GARRE1: variants seen among roughly 807,000 people sequenced by gnomAD.
GARRE1 encodes the protein granule associated Rac and RHOG effector 1, also known as granule associated Rac and RHOG effector protein 1.
GARRE1 carries 49 observed loss-of-function variants against 103.2 expected under a neutral mutation model. The ratio of observed to expected loss-of-function variants is 0.47; its 90% confidence interval spans 0.38 to 0.60. The LOEUF (loss-of-function observed/expected upper bound fraction) is 0.60. GARRE1 is among the 20% of genes least tolerant of loss of function. The probability of loss-of-function intolerance (pLI) is 0.00; values close to 1 mark genes in which losing one functional copy is unlikely to be tolerated. For synonymous variants in GARRE1, 505 were observed against 532.8 expected, an observed-to-expected ratio of 0.95 and a Z score of 0.72; for missense variants, 1,199 against 1,370.5, an observed-to-expected ratio of 0.87 and a Z score of 1.98.
intron 2 of GARRE1, among the ~76,000 whole-genome samples, chr19:34,301,473 T>C (rs1278741092): frequency 7.4e-6 from 1 of 135,262 alleles, no homozygotes; most frequent in Non-Finnish European, 1.5e-5. Context: ...GTGATTGCAC[T>C]GCTGTACTCC....
chr19:34,327,661 G>A, intron 4 of GARRE1, 100 bp downstream of exon 4: 1 of 1,470,766 alleles, frequency 6.8e-7, no homozygotes, highest in Non-Finnish European at 9.4e-7. Flanking sequence ...TTATAGAGTA[G>A]TAATTGACCT....
At chr19:34,281,086 A>G (rs1375550187) in intron 1 of GARRE1, among the ~76,000 whole-genome samples, 1 of 152,206 alleles carries the variant, frequency 6.6e-6, no homozygotes, top group Non-Finnish European at 1.5e-5. Flanking sequence ...ATTTGTTGAC[A>G]GTAACACCAG....
At chr19:34,287,327 T>G (rs2073893489) in intron 1 of GARRE1, among the ~76,000 whole-genome samples, 2 of 151,876 alleles carry the variant, frequency 1.3e-5, no homozygotes, top group African/African-American at 4.8e-5. Flanking sequence ...GGTTTTTTTG[T>G]TGTTGTTTGT....
rs767125559 is a variant in GARRE1 at position 34,327,508 on chromosome 19, A to C, written c.793A>C (p.Ile265Leu). 6.2e-7 allele frequency: 1 copy of C among 1,614,112 alleles called. No individual in the cohort carries two copies. Among genetic ancestry groups the C allele is most frequent in the East Asian group, 2.2e-5 (1 of 44,870 alleles). Reference sequence around the variant, plus strand: ...ACTCTTTTGTTCTCAAAGTGCAGCAATTCCTGAGCACCAGCTAAAAGAACT... The same window carrying C: ...ACTCTTTTGTTCTCAAAGTGCAGCACTTCCTGAGCACCAGCTAAAAGAACT... ...QQLFCSQSAA[I>L]PEHQLKELNI... Residue 265 changes from isoleucine (I) to leucine (L), a missense_variant, in exon 4 of 14, where the codon ATT becomes CTT. Transcript: ENST00000299505.
chr19:34,286,260 C>T (rs1293532928), intron 1 of GARRE1, among the ~76,000 whole-genome samples: 1 of 152,210 alleles, frequency 6.6e-6, no homozygotes, highest in Non-Finnish European at 1.5e-5. Flanking sequence ...CGCTCTGTTG[C>T]CCAGGCTGGA....
rs1403476043 is a variant in GARRE1, at chr19:34,342,171, C to A, written c.2237C>A (p.Pro746His). ...CTCCAGCCCATTGGACCGCAGCAGC[C>A]CCCGCCCCAGCCTCGGGCACCTGGG... The part of the protein sequence containing the change: ...HLLQPIGPQQ[P>H]PPQPRAPGKW... The change falls in exon 10 of 14, where the codon CCC becomes CAC. Residue 746 changes from proline to histidine, a missense_variant. Transcript: ENST00000299505. 1 of 1,614,152 alleles carries A rather than the reference C, an allele frequency of 6.2e-7. No homozygotes were observed. The highest frequency in any genetic ancestry group is 1.7e-5 in the Admixed American group (1 of 60,028).
chr19:34,276,618 G>T (rs909180354), intron 1 of GARRE1, among the ~76,000 whole-genome samples: 1 of 152,174 alleles, frequency 6.6e-6, no homozygotes. Context: ...TTACCTGGCT[G>T]TGACTTTGGA....
intron 2 of GARRE1, among the ~76,000 whole-genome samples, chr19:34,302,318 G>A (rs2073984452): frequency 1.1e-5 from 1 of 95,030 alleles, no homozygotes; most frequent in South Asian, 3.6e-4. Flanking sequence ...TTTTTGAGAC[G>A]GAGTCTCACT....
chr19:34,349,854 G>A (rs1462698873), intron 12 of GARRE1, among the ~76,000 whole-genome samples: 5 of 152,074 alleles, frequency 3.3e-5, no homozygotes, highest in Admixed American at 3.3e-4. Flanking sequence ...AGACAGAATG[G>A]TACTTGCACA....
At chr19:34,297,685 G>C (rs1393713858) in intron 1 of GARRE1, among the ~76,000 whole-genome samples, 1 of 152,210 alleles carries the variant, frequency 6.6e-6, no homozygotes, top group Non-Finnish European at 1.5e-5. Flanking sequence ...GAGTGCTTCT[G>C]TTGTATATCA....
chr19:34,289,013 T>G (rs2073902730), intron 1 of GARRE1, among the ~76,000 whole-genome samples: 1 of 151,872 alleles, frequency 6.6e-6, no homozygotes, highest in Non-Finnish European at 1.5e-5. Context: ...GTGCCTGTGA[T>G]CTCCCAGCTA....
In GARRE1 at chr19:34,341,979, A is replaced by G. The variant is rs1375215888; in HGVS notation, c.2045A>G (p.Gln682Arg). 6.2e-7 allele frequency: 1 copy of G among 1,614,074 alleles called. No homozygotes were observed. Among genetic ancestry groups the G allele is most frequent in the African/African-American group, 1.3e-5 (1 of 74,942 alleles). ...NSAATAMVTEQKAGAMQPQQP... is the reference protein window; with the variant it reads ...NSAATAMVTERKAGAMQPQQP... Reference sequence around the variant, plus strand: ...GCTGCCACAGCCATGGTGACTGAGCAGAAGGCAGGAGCCATGCAACCACAG... The same window carrying G: ...GCTGCCACAGCCATGGTGACTGAGCGGAAGGCAGGAGCCATGCAACCACAG... The change falls in exon 10 of 14, where the codon CAG becomes CGG. Residue 682 changes from glutamine to arginine, a missense_variant. Transcript: ENST00000299505.
chr19:34,307,663 A>G (rs2074014243), intron 2 of GARRE1, among the ~76,000 whole-genome samples: 1 of 35,794 alleles, frequency 2.8e-5, no homozygotes, highest in East Asian at 3.7e-4. Context: ...TTATATATAC[A>G]TATATACTTA....
At chr19:34,341,067 C>T (rs1237982916) in intron 9 of GARRE1, among the ~76,000 whole-genome samples, 1 of 152,210 alleles carries the variant, frequency 6.6e-6, no homozygotes, top group African/African-American at 2.4e-5. Flanking sequence ...TGTCCATTGT[C>T]CCTCTGCTGC....
chr19:34,278,230 G>T (rs1599752147), intron 1 of GARRE1, among the ~76,000 whole-genome samples: 1 of 151,866 alleles, frequency 6.6e-6, no homozygotes, highest in South Asian at 2.1e-4. Flanking sequence ...GATCACCTGA[G>T]GTCAGAAGTT....
At chr19:34,309,498 CTT>C (rs2074027124) in intron 2 of GARRE1, among the ~76,000 whole-genome samples, 2 of 152,080 alleles carry the variant, frequency 1.3e-5, no homozygotes, top group Non-Finnish European at 1.5e-5. Context: ...GGAATTGAAA[CTT>C]TTAATTTTTT....
chr19:34,343,326 G>A (rs1402390842), intron 10 of GARRE1, among the ~76,000 whole-genome samples: 1 of 150,722 alleles, frequency 6.6e-6, no homozygotes, highest in African/African-American at 2.4e-5. Context: ...GTGTGGTGGT[G>A]CTTAGGAAGC....
intron 10 of GARRE1, among the ~76,000 whole-genome samples, chr19:34,346,789 G>C (rs925840566): frequency 5.9e-5 from 9 of 151,768 alleles, no homozygotes; most frequent in African/African-American, 2.2e-4. Context: ...GCTAATTTTT[G>C]GTATTTTTAG....
intron 1 of GARRE1, among the ~76,000 whole-genome samples, chr19:34,286,508 C>T (rs1248891604): frequency 1.4e-5 from 2 of 147,012 alleles, no homozygotes; most frequent in East Asian, 2.0e-4. Flanking sequence ...TGTGAGCCAC[C>T]GTGCCCAGCC....
Sources: allele counts gnomAD v4.1 joint callset (sites outside exome capture counted in the v4.1 genomes callset), GRCh38; gene constraint gnomAD v4.1.1; transcripts MANE v1.5; gene names NCBI Gene and HGNC (gene_info 2026-07-23, HGNC 2026-07-21).